The following CNGB1 variants were observed in gnomAD, a reference collection of about 807,000 sequenced individuals.
CNGB1 encodes cyclic nucleotide gated channel subunit beta 1, also known as cyclic nucleotide-gated channel beta-1.
In CNGB1, 126 loss-of-function variants were observed where a neutral mutation model predicts 151.7. That is an observed-to-expected ratio of 0.83 (90% CI 0.72 to 0.96). The LOEUF is 0.96. Among genes scored for constraint, CNGB1 ranks in the 40% least tolerant of loss-of-function variants. CNGB1 has a pLI of 0.00. For synonymous variants in CNGB1, 623 were observed against 635.1 expected, an observed-to-expected ratio of 0.98 and a Z score of 0.29; for missense variants, 1,698 against 1,627.0, an observed-to-expected ratio of 1.04 and a Z score of -0.75.
chr16:57,928,068 C>A (rs1336837199), intron 17 of CNGB1, among the ~76,000 whole-genome samples: 2 of 152,202 alleles, frequency 1.3e-5, no homozygotes, highest in Non-Finnish European at 2.9e-5. Context: ...GAAGAAAGAA[C>A]CATCTCTACA....
chr16:57,956,969 C>T (rs555360740), intron 12 of CNGB1, among the ~76,000 whole-genome samples: 1 of 152,328 alleles, frequency 6.6e-6, no homozygotes, highest in East Asian at 1.9e-4. Context: ...CCCCACCCCT[C>T]TCCCTTCAGC....
intron 20 of CNGB1, among the ~76,000 whole-genome samples, chr16:57,918,777 G>A (rs761097599): frequency 1.3e-5 from 2 of 152,078 alleles, no homozygotes; most frequent in African/African-American, 2.4e-5. Flanking sequence ...TTGACTCAGT[G>A]CACTCTCCAC....
intron 9 of CNGB1, among the ~76,000 whole-genome samples, 175 bp from the exon 10 acceptor site, chr16:57,960,240 C>T (rs1013327968): frequency 6.6e-6 from 1 of 152,180 alleles, no homozygotes; most frequent in African/African-American, 2.4e-5. Flanking sequence ...AACTGAGACC[C>T]AGGGAGGGGA....
chr16:57,962,980 C>A lies in CNGB1; in HGVS notation c.375G>T (p.Pro125=). 1 of 1,613,356 alleles carries A rather than the reference C, an allele frequency of 6.2e-7. No homozygotes were observed. The highest frequency in any genetic ancestry group is 8.5e-7 in the Non-Finnish European group (1 of 1,180,008). Residue 125 remains proline, a synonymous_variant, in exon 5 of 33, where the codon CCG becomes CCT. Transcript: ENST00000251102. ...PQPVHSITED[P]AQILGHGSTG... ...CCTCCAGCCCCAGCAGTACCTGAGC[C>A]GGGTCCTCCGTGATGCTGTGAACAG...
intron 12 of CNGB1, chr16:57,955,369 CT>C: frequency 6.4e-7 from 1 of 1,551,576 alleles, no homozygotes; most frequent in Non-Finnish European, 8.7e-7. Flanking sequence ...CCCATCACCC[CT>C]GAAACAAAGG....
At chr16:57,960,162 AC>A (rs1232612435) in intron 9 of CNGB1, 97 bp from the exon 10 acceptor site, 5 of 1,511,882 alleles carry the variant, frequency 3.3e-6, no homozygotes, top group Non-Finnish European at 4.4e-6. Flanking sequence ...CGCTAACAGG[AC>A]TGAATGGGGA....
chr16:57,935,955 C>T (rs1165299626), intron 16 of CNGB1, among the ~76,000 whole-genome samples: 1 of 152,040 alleles, frequency 6.6e-6, no homozygotes, highest in African/African-American at 2.4e-5. Context: ...GACGTCTTCC[C>T]GTGAAATGTT....
intron 20 of CNGB1, among the ~76,000 whole-genome samples, chr16:57,917,801 TA>T (rs11284883): frequency 0.33 from 47,853 of 146,270 alleles, 7,980 homozygotes; most frequent in East Asian, 0.58. Context: ...CATCTCTACT[TA>T]AAAAAAAAAA....
rs1959982695 is a variant in CNGB1, at chr16:57,888,034, T to C, written c.3283A>G (p.Ser1095Gly). 3 of 1,613,962 alleles carry C rather than the reference T, an allele frequency of 1.9e-6. No individual in the cohort carries two copies. Among genetic ancestry groups the C allele is most frequent in the African/African-American group, 1.3e-5 (1 of 74,932 alleles). Residue 1095 changes from serine to glycine, a missense_variant, in exon 32 of 33, where the codon AGC becomes GGC. Physicochemically the swap from Ser to Gly is moderately conservative, Grantham distance 56. Transcript: ENST00000251102. ...RSNNKPKEEK[S>G]VLILPPRAGT... ...GCCCGGGGTGGAAGGATCAGCACGC[T>C]CTTCTCCTCCTTGGGCTTATTGTTG...
intron 11 of CNGB1, 107 bp downstream of exon 11, chr16:57,958,303 G>A (rs928001181): frequency 9.1e-5 from 54 of 595,588 alleles, no homozygotes; most frequent in Non-Finnish European, 8.5e-5. Context: ...AGGAAGGCTG[G>A]GGGAGCTGGG....
intron 14 of CNGB1, among the ~76,000 whole-genome samples, chr16:57,945,721 C>T (rs1401899238): frequency 2.0e-5 from 3 of 152,210 alleles, no homozygotes; most frequent in African/African-American, 7.2e-5. Flanking sequence ...TGTCTCTGAA[C>T]CTCAGTTCTC....
chr16:57,962,724 G>C, intron 6 of CNGB1, 114 bp from the exon 7 acceptor site: 1 of 1,567,046 alleles, frequency 6.4e-7, no homozygotes, highest in Non-Finnish European at 8.7e-7. Flanking sequence ...TCAAAGCAGG[G>C]TCAGTCAGGT....
At chr16:57,891,929 C>T (rs1960101800) in intron 31 of CNGB1, among the ~76,000 whole-genome samples, 1 of 152,098 alleles carries the variant, frequency 6.6e-6, no homozygotes, top group African/African-American at 2.4e-5. Flanking sequence ...GTAATTCATG[C>T]CTGAATGAAG....
intron 2 of CNGB1, among the ~76,000 whole-genome samples, chr16:57,966,719 A>G (rs1962408100): frequency 6.6e-6 from 1 of 152,070 alleles, no homozygotes; most frequent in Non-Finnish European, 1.5e-5. Context: ...TCTGTTCTGA[A>G]CTCTAGAGGT....
At chr16:57,885,534 CTTCCTTCCTTCT>C (rs1307212837) in intron 32 of CNGB1, among the ~76,000 whole-genome samples, 2 of 145,542 alleles carry the variant, frequency 1.4e-5, no homozygotes, top group East Asian at 2.0e-4. Context: ...TTTTTCCTTC[CTTCCTTCCTTCT>C]TTCCTTCCTT....
In CNGB1 at chr16:57,958,306, G is replaced by T; in HGVS notation, c.837+104C>A. ...GGCCATGCAGACAGGAAGGCTGGGG[G>T]AGCTGGGCTTCTGCCACAGGGCCAA... is the stretch of plus-strand genomic sequence containing the variant. On this transcript the variant is annotated intron_variant, in intron 11 of 32. Transcript: ENST00000251102. 6.6e-6 allele frequency: 4 copies of T among 606,478 alleles called. 1 individual carries two copies. Among genetic ancestry groups the T allele is most frequent in the East Asian group, 6.7e-5 (2 of 29,934 alleles). 37.6% of individuals were successfully genotyped at this position (606,478 alleles called of 1,614,324 possible).
intron 10 of CNGB1, 94 bp downstream of exon 10, chr16:57,959,794 T>G: frequency 7.2e-7 from 1 of 1,395,434 alleles, no homozygotes. Flanking sequence ...TCCAGTTGAA[T>G]TTTCTTCCAG....
chr16:57,917,809 A>G (rs1262846658), intron 20 of CNGB1, among the ~76,000 whole-genome samples: 1 of 151,954 alleles, frequency 6.6e-6, no homozygotes, highest in Non-Finnish European at 1.5e-5. Flanking sequence ...CTTAAAAAAA[A>G]AAACACAACT....
chr16:57,911,118 C>T (rs1960697454), intron 25 of CNGB1, among the ~76,000 whole-genome samples: 2 of 152,110 alleles, frequency 1.3e-5, no homozygotes, highest in South Asian at 2.1e-4. Context: ...CCCTCTTGGC[C>T]ATGCCCGGGG....
Sources: allele counts gnomAD v4.1 joint callset (sites outside exome capture counted in the v4.1 genomes callset), GRCh38; gene constraint gnomAD v4.1.1; transcripts MANE v1.5; gene names NCBI Gene and HGNC (gene_info 2026-07-23, HGNC 2026-07-21).